MAPK8IP3: variants seen among roughly 807,000 people sequenced by gnomAD.
MAPK8IP3 encodes the protein mitogen-activated protein kinase 8 interacting protein 3.
MAPK8IP3 carries 49 observed loss-of-function variants against 157.8 expected under a neutral mutation model. The observed-to-expected ratio is 0.31, with a 90% CI of 0.25 to 0.39. The LOEUF (loss-of-function observed/expected upper bound fraction) is 0.39, where lower values mean the gene tolerates loss of function less well. Among genes scored for constraint, MAPK8IP3 ranks in the 10% least tolerant of loss-of-function variants. The pLI is 1.00. For synonymous variants in MAPK8IP3, 897 were observed against 777.7 expected, an observed-to-expected ratio of 1.15 and a Z score of -2.55; for missense variants, 1,478 against 1,889.4, an observed-to-expected ratio of 0.78 and a Z score of 4.04.
chr16:1,764,107 C>T lies in MAPK8IP3; in HGVS notation c.2026-8C>T, dbSNP rs773067239. On this transcript the variant is annotated splice_polypyrimidine_tract_variant and splice_region_variant and intron_variant, in intron 17 of 31. Transcript: ENST00000610761. Reference sequence around the variant, plus strand: ...TTCGTGCCCACGGCGCCTCCCTGCTCCCTGCAGCTGAGTCCCAACGGGGGC... The same window carrying T: ...TTCGTGCCCACGGCGCCTCCCTGCTTCCTGCAGCTGAGTCCCAACGGGGGC... 8.7e-6 allele frequency: 14 copies of T among 1,602,184 alleles called. No individual in the cohort carries two copies. The highest frequency in any genetic ancestry group is 8.0e-5 in the African/African-American group (6 of 74,734).
rs966354384 is a variant in MAPK8IP3 at position 1,741,257 on chromosome 16, C to T, written c.603-2075C>T. On this transcript the variant is annotated intron_variant, in intron 4 of 31. Transcript: ENST00000610761. The surrounding 1 kb of genome is among the most constrained non-coding windows in gnomAD (Gnocchi z 6.9). Reference sequence around the variant, plus strand: ...GCATCTGCATCCCCTGAGGGAGCTGCGAGGACAAATCGGGAGGACGGGGTC... The same window carrying T: ...GCATCTGCATCCCCTGAGGGAGCTGTGAGGACAAATCGGGAGGACGGGGTC... 3.9e-5 allele frequency among the ~76,000 whole-genome samples: 6 copies of T among 152,282 alleles called. No individual in the cohort carries two copies. In the East Asian group the frequency reaches 1.2e-3, roughly 29 times the overall value.
chr16:1,763,608 G>C, intron 16 of MAPK8IP3, 49 bp from the exon 17 acceptor site: 3 of 1,464,448 alleles, frequency 2.0e-6, no homozygotes, highest in Non-Finnish European at 2.7e-6. Flanking sequence ...GGGCACTGTG[G>C]GGGCCGCTCA....
chr16:1,719,269 TG>T (rs1016023735), intron 1 of MAPK8IP3, among the ~76,000 whole-genome samples: 3 of 151,352 alleles, frequency 2.0e-5, no homozygotes, highest in Non-Finnish European at 4.4e-5. Flanking sequence ...GTGCCCAGCC[TG>T]AGACCCAATC....
intron 4 of MAPK8IP3, among the ~76,000 whole-genome samples, chr16:1,736,715 CGT>C (rs1371389188): frequency 1.9e-5 from 1 of 53,414 alleles, no homozygotes; most frequent in Non-Finnish European, 3.3e-5. Flanking sequence ...TCCGTGTGAG[CGT>C]GTGACCGTCC....
At chr16:1,734,157 C>T (rs535144393) in intron 4 of MAPK8IP3, among the ~76,000 whole-genome samples, 2 of 152,186 alleles carry the variant, frequency 1.3e-5, no homozygotes, top group African/African-American at 4.8e-5. Context: ...GGCCCCTGGG[C>T]CTCCTTGCCA....
Position 1,762,744 on chromosome 16 carries a change from C to A in MAPK8IP3, c.1727+13C>A. On this transcript the variant is annotated intron_variant, in intron 15 of 31. Coordinates refer to ENST00000610761, the MANE Select transcript of MAPK8IP3 (RefSeq NM_001318852.2). The stretch of plus-strand genomic sequence containing the variant: ...CCATCTGGCAGTTGTAAGCTGGGGG[C>A]CCCTGGGGGATGTGGGCAGCAGCTG... The A allele has an allele frequency of 6.3e-7, 1 of 1,583,390 alleles. No individual in the cohort carries two copies. Among genetic ancestry groups the A allele is most frequent in the Non-Finnish European group, 8.6e-7 (1 of 1,162,344 alleles).
chr16:1,725,149 TTTATTATTATTA>T lies in MAPK8IP3; in HGVS notation c.439+498_439+509del, dbSNP rs71145429. On this transcript the variant is annotated intron_variant, in intron 2 of 31. Transcript: ENST00000610761. ...CTGCAAGGCGAAGTAGCAGAAAGGG[TTTATTATTATTA>T]TTATTATTATTATTATTATTATTAT... Among the ~76,000 whole-genome samples, 365 of 144,468 alleles carry T rather than the reference TTTATTATTATTA, an allele frequency of 2.5e-3. 2 individuals carry two copies. Among genetic ancestry groups the T allele is most frequent in the African/African-American group, 8.6e-3 (338 of 39,244 alleles). The allele number at this position is 144,468 out of a possible 152,430, so 94.8% of individuals were successfully genotyped here. A position where few individuals can be genotyped will look rare whatever the true frequency, so the allele number is the denominator to read the frequency against.
intron 31 of MAPK8IP3, 28 bp downstream of exon 31, chr16:1,768,654 G>A (rs781482790): frequency 1.2e-6 from 2 of 1,610,856 alleles, no homozygotes; most frequent in East Asian, 2.2e-5. Flanking sequence ...ACAGGGCTGA[G>A]GTTGGGCGCG....
rs111934905 is a variant in MAPK8IP3, at chr16:1,740,090, G to A, written c.603-3242G>A. ...TGTGAGCGTGAGCATCCGTGTGACC[G>A]TCCGTGTGAGCATCCCTGTGACCGT... On this transcript the variant is annotated intron_variant, in intron 4 of 31. Transcript: ENST00000610761. Among the ~76,000 whole-genome samples, 6 of 130,416 alleles carry A rather than the reference G, an allele frequency of 4.6e-5. No homozygotes were observed. The East Asian group carries it at 1.5e-3, about 32-fold the overall frequency. The allele number at this position is 130,416 out of a possible 152,430, so 85.6% of individuals were successfully genotyped here. A position where few individuals can be genotyped will look rare whatever the true frequency, so the allele number is the denominator to read the frequency against.
intron 1 of MAPK8IP3, among the ~76,000 whole-genome samples, chr16:1,709,472 G>T (rs2037617021): frequency 6.6e-6 from 1 of 152,246 alleles, no homozygotes; most frequent in African/African-American, 2.4e-5. Flanking sequence ...GAGAATTGTG[G>T]GCAGGCAGAT....
intron 4 of MAPK8IP3, among the ~76,000 whole-genome samples, chr16:1,735,520 GCCGTGTGACCGT>G (rs1033499183): frequency 1.2e-5 from 1 of 86,272 alleles, no homozygotes; most frequent in African/African-American, 5.1e-5. Flanking sequence ...CGTGTGAGCA[GCCGTGTGACCGT>G]CCGTGTGAGC....
At chr16:1,738,031 CGT>C (rs1293261754) in intron 4 of MAPK8IP3, among the ~76,000 whole-genome samples, 32 of 63,498 alleles carry the variant, frequency 5.0e-4, no homozygotes, top group Admixed American at 1.3e-3. Context: ...TGTGAGCATC[CGT>C]GTGAGCGTGT....
At chr16:1,709,760 G>A (rs1198148062) in intron 1 of MAPK8IP3, among the ~76,000 whole-genome samples, 5 of 152,368 alleles carry the variant, frequency 3.3e-5, no homozygotes, top group Middle Eastern at 3.4e-3. Flanking sequence ...CACGTTTGCC[G>A]GGCTTACCCG....
chr16:1,759,894 G>A, intron 10 of MAPK8IP3, 64 bp from the exon 11 acceptor site: 1 of 1,418,144 alleles, frequency 7.1e-7, no homozygotes, highest in South Asian at 1.1e-5. Flanking sequence ...CCTGAGGCAG[G>A]TGCGGCGGCA....
chr16:1,729,268 C>T (rs1567152930), intron 3 of MAPK8IP3, 60 bp downstream of exon 3: 37 of 1,568,418 alleles, frequency 2.4e-5, no homozygotes, highest in Non-Finnish European at 1.3e-5. Flanking sequence ...GGCCTGACGC[C>T]TGCGACTCTT....
At position 1,763,794 on chromosome 16, in the gene MAPK8IP3, G is replaced by T. The variant is rs375618724; in HGVS notation, c.2025+11G>T. 6.6e-7 allele frequency: 1 copy of T among 1,518,420 alleles called. No individual in the cohort carries two copies. 94.1% of individuals were successfully genotyped at this position (1,518,420 alleles called of 1,614,324 possible). Reference sequence around the variant, plus strand: ...GCCAAGTACAAGCAGGTGCGGGCGGGCGCTGCGGGGACCGGGCGGGGCCCC... The same window carrying T: ...GCCAAGTACAAGCAGGTGCGGGCGGTCGCTGCGGGGACCGGGCGGGGCCCC... On this transcript the variant is annotated intron_variant, in intron 17 of 31. Transcript: ENST00000610761.
rs559189986 is a variant in MAPK8IP3, at chr16:1,758,035, C to T, written c.1217-113C>T. 6 of 1,072,320 alleles carry T rather than the reference C, an allele frequency of 5.6e-6. No homozygotes were observed. In the African/African-American group the frequency reaches 7.7e-5, roughly 14 times the overall value. The allele number at this position is 1,072,320 out of a possible 1,614,324, so 66.4% of individuals were successfully genotyped here. A position where few individuals can be genotyped will look rare whatever the true frequency, so the allele number is the denominator to read the frequency against. ...TCTCTCCTGCCCTGCAACATGGGAG[C>T]AGCCGAATCATTGCTGGGTTTTCTG... On this transcript the variant is annotated intron_variant, in intron 8 of 31. Transcript: ENST00000610761.
At chr16:1,738,301 T>C (rs565511822) in intron 4 of MAPK8IP3, among the ~76,000 whole-genome samples, 4 of 81,238 alleles carry the variant, frequency 4.9e-5, no homozygotes, top group Non-Finnish European at 7.2e-5. Context: ...TGTGAGCATC[T>C]GTGTGACCGT....
At chr16:1,753,223 G>A (rs914141588) in intron 8 of MAPK8IP3, among the ~76,000 whole-genome samples, 2 of 152,138 alleles carry the variant, frequency 1.3e-5, no homozygotes, top group Non-Finnish European at 2.9e-5. Context: ...AGCCCAGGTC[G>A]GGCATCTGTT....
Sources: allele counts gnomAD v4.1 joint callset (sites outside exome capture counted in the v4.1 genomes callset), GRCh38; gene constraint gnomAD v4.1.1; non-coding constraint Gnocchi (gnomAD v3.1); transcripts MANE v1.5; gene names NCBI Gene and HGNC (gene_info 2026-07-23, HGNC 2026-07-21).